ASPH: variants seen among roughly 807,000 people sequenced by gnomAD.
The protein encoded by ASPH is aspartate beta-hydroxylase, also known as aspartyl/asparaginyl beta-hydroxylase.
In ASPH, 100 loss-of-function variants were observed where a neutral mutation model predicts 118.4. The observed-to-expected ratio is 0.84, with a 90% CI of 0.72 to 1.00. ASPH has a LOEUF of 1.00. ASPH is among the 50% of genes least tolerant of loss of function. The pLI, the probability that ASPH is intolerant of heterozygous loss-of-function variation, is 0.00. For synonymous variants in ASPH, 315 were observed against 325.6 expected (o/e 0.97, Z 0.35); for missense variants, 920 against 919.5 (o/e 1.00, Z -0.01).
chr8:61,624,592 T>C (rs1852068231), intron 13 of ASPH: 2 of 984,594 alleles, frequency 2.0e-6, no homozygotes, highest in Non-Finnish European at 2.4e-6. Context: ...ATTTACATTA[T>C]TTTTAGAAAA....
chr8:61,662,649 G>A (rs1817504396), intron 3 of ASPH, among the ~76,000 whole-genome samples: 1 of 152,112 alleles, frequency 6.6e-6, no homozygotes, highest in Non-Finnish European at 1.5e-5. Flanking sequence ...ATAAAAGTTA[G>A]TTGAAACATT....
At chr8:61,582,647 C>T (rs1472442013) in intron 15 of ASPH, among the ~76,000 whole-genome samples, 6 of 152,236 alleles carry the variant, frequency 3.9e-5, no homozygotes, top group Non-Finnish European at 7.3e-5. Flanking sequence ...TTTGGAGCCT[C>T]ACCTAATGCC....
chr8:61,538,779 GA>G (rs1820586885), intron 21 of ASPH, among the ~76,000 whole-genome samples: 1 of 152,172 alleles, frequency 6.6e-6, no homozygotes, highest in South Asian at 2.1e-4. Context: ...ACAATATGAA[GA>G]AAGGCAAACT....
chr8:61,687,948 T>TA (rs1284977647), intron 1 of ASPH, among the ~76,000 whole-genome samples: 5 of 152,192 alleles, frequency 3.3e-5, no homozygotes, highest in African/African-American at 1.2e-4. Context: ...ATGGAAGGGA[T>TA]TCTTTTTTAA....
intron 15 of ASPH, among the ~76,000 whole-genome samples, chr8:61,582,343 A>C (rs1019482423): frequency 1.3e-5 from 2 of 152,162 alleles, no homozygotes; most frequent in Admixed American, 6.5e-5. Flanking sequence ...TTTACACCAA[A>C]AGTCACCTGT....
intron 14 of ASPH, among the ~76,000 whole-genome samples, chr8:61,585,328 G>GGTA (rs1839073233): frequency 6.6e-6 from 1 of 152,164 alleles, no homozygotes; most frequent in African/African-American, 2.4e-5. Context: ...AAGCTTGAAG[G>GGTA]GTAAGCAGAA....
chr8:61,503,246 TG>T lies in ASPH; in HGVS notation c.*112del, dbSNP rs1231898102. 1 of 1,272,870 alleles carries T rather than the reference TG, an allele frequency of 7.9e-7. No homozygotes were observed. Among genetic ancestry groups the T allele is most frequent in the East Asian group, 2.6e-5 (1 of 37,888 alleles). 78.8% of individuals were successfully genotyped at this position (1,272,870 alleles called of 1,614,324 possible). On this transcript the variant is annotated 3_prime_UTR_variant, in exon 25 of 25. Coordinates refer to ENST00000379454, the MANE Select transcript of ASPH (RefSeq NM_004318.4). ...GGAGGAGGCTTTGAATTACTCGGGC[TG>T]CAAGTCAAGGGAATTGACTCTTGGT...
At chr8:61,664,874 G>C in intron 3 of ASPH, 2 of 999,068 alleles carry the variant, frequency 2.0e-6, no homozygotes, top group Non-Finnish European at 2.4e-6. Context: ...TGAGTATTTA[G>C]CATACTTGAA....
chr8:61,503,310 C>G lies in ASPH; in HGVS notation c.*49G>C. Reference sequence around the variant, plus strand: ...ATCCTCACACCCAAGGAGATGGAACCAGAAAGGCAGCCTCTCTCCAGAGTT... The same window carrying G: ...ATCCTCACACCCAAGGAGATGGAACGAGAAAGGCAGCCTCTCTCCAGAGTT... On this transcript the variant is annotated 3_prime_UTR_variant, in exon 25 of 25. Coordinates refer to ENST00000379454, the MANE Select transcript of ASPH (RefSeq NM_004318.4). The G allele has an allele frequency of 6.4e-7, 1 of 1,555,726 alleles. No individual in the cohort carries two copies. Among genetic ancestry groups the G allele is most frequent in the East Asian group, 2.3e-5 (1 of 43,190 alleles).
At chr8:61,708,870 A>ACCCCCCCCCCCCCCCC (rs1837372432) in intron 1 of ASPH, among the ~76,000 whole-genome samples, 2 of 105,302 alleles carry the variant, frequency 1.9e-5, no homozygotes, top group Non-Finnish European at 3.9e-5. Flanking sequence ...AACCACTCCC[A>ACCCCCCCCCCCCCCCC]CCCCCCAGCC....
chr8:61,693,819 C>T (rs1432866515), intron 1 of ASPH, among the ~76,000 whole-genome samples: 4 of 152,210 alleles, frequency 2.6e-5, no homozygotes, highest in African/African-American at 9.6e-5. Flanking sequence ...TTAGACTCCA[C>T]AGTTGACCAT....
At chr8:61,560,180 T>TG (rs1829309739) in intron 18 of ASPH, among the ~76,000 whole-genome samples, 1 of 152,166 alleles carries the variant, frequency 6.6e-6, no homozygotes, top group Non-Finnish European at 1.5e-5. Flanking sequence ...GCTGAGTGAA[T>TG]GGGTATACGT....
At chr8:61,678,440 C>T (rs904213295) in intron 3 of ASPH, among the ~76,000 whole-genome samples, 1 of 152,032 alleles carries the variant, frequency 6.6e-6, no homozygotes, top group African/African-American at 2.4e-5. Flanking sequence ...GGGCTTAGCA[C>T]GCTTTCAAAG....
chr8:61,689,185 C>T (rs1043870952), intron 1 of ASPH, among the ~76,000 whole-genome samples: 2 of 151,870 alleles, frequency 1.3e-5, no homozygotes, highest in African/African-American at 4.8e-5. Context: ...CAAAATAAAA[C>T]CCTTGTGTTT....
intron 13 of ASPH, among the ~76,000 whole-genome samples, chr8:61,630,313 T>C (rs1007426004): frequency 7.2e-5 from 11 of 152,080 alleles, no homozygotes; most frequent in South Asian, 2.1e-4. Flanking sequence ...ATTTTAAAGA[T>C]TGAAAAATGG....
intron 3 of ASPH, chr8:61,664,322 A>G (rs1216355292): frequency 1.0e-6 from 1 of 973,170 alleles, no homozygotes; most frequent in African/African-American, 1.8e-5. Context: ...TTCAACCAAA[A>G]TAATGGAAAA....
In ASPH at chr8:61,548,054, G is replaced by A; in HGVS notation, c.1764+17C>T. ...TAGACAAAGATCTGGTGAGGATGAT[G>A]TCTAAGTTATACTTACCTTTACTAA... On this transcript the variant is annotated intron_variant, in intron 21 of 24. Coordinates refer to ENST00000379454, the MANE Select transcript of ASPH (RefSeq NM_004318.4). 1 of 1,606,630 alleles carries A rather than the reference G, an allele frequency of 6.2e-7. No homozygotes were observed. The highest frequency in any genetic ancestry group is 8.5e-7 in the Non-Finnish European group (1 of 1,176,158).
intron 6 of ASPH, among the ~76,000 whole-genome samples, chr8:61,645,037 C>CT (rs1807212864): frequency 6.6e-6 from 1 of 152,144 alleles, no homozygotes; most frequent in Admixed American, 6.5e-5. Context: ...AGAAAAACAG[C>CT]TGAAGAGGCT....
At position 61,553,047 on chromosome 8, in the gene ASPH, C is replaced by G; in HGVS notation, c.1610G>C (p.Arg537Thr). ...ACCCATTACCTCTTTGTTCCCAACC[C>G]TCTGCATGGCATCCCCCAGGTGGAA... ...FYFHLGDAMQ[R>T]VGNKEAYKWY... Residue 537 changes from arginine (R) to threonine (T), a missense_variant, in exon 20 of 25, where the codon AGG becomes ACG. By Grantham distance (71) the Arg-to-Thr change is moderately conservative. Transcript: ENST00000379454. The G allele has an allele frequency of 1.2e-6, 2 of 1,613,262 alleles. No homozygotes were observed. Among genetic ancestry groups the G allele is most frequent in the Non-Finnish European group, 1.7e-6 (2 of 1,179,334 alleles).
Sources: gnomAD v4.1 joint callset for allele counts (sites outside exome capture counted in the v4.1 genomes callset) on GRCh38, gnomAD v4.1.1 for gene constraint, MANE v1.5 for transcripts, NCBI Gene and HGNC (gene_info 2026-07-23, HGNC 2026-07-21) for gene names.